Variants in MRTFB observed in about 807,000 individuals in gnomAD.
The protein encoded by MRTFB is myocardin-related transcription factor B.
Under a neutral mutation model 104.2 loss-of-function variants are expected in MRTFB, and 29 were observed. The observed-to-expected ratio is 0.28, with a 90% CI of 0.21 to 0.38. The LOEUF (loss-of-function observed/expected upper bound fraction) is 0.38. Among genes scored for constraint, MRTFB ranks in the 10% least tolerant of loss-of-function variants. The pLI, the probability that MRTFB is intolerant of heterozygous loss-of-function variation, is 1.00. For missense variants in MRTFB, 1,270 were observed against 1,341.6 expected, an observed-to-expected ratio of 0.95 and a Z score of 0.83; for synonymous variants, 535 against 519.5, an observed-to-expected ratio of 1.03 and a Z score of -0.41.
intron 3 of MRTFB, 54 bp from the exon 4 acceptor site, chr16:14,210,189 A>T (rs2041133095): frequency 7.1e-7 from 1 of 1,405,788 alleles, no homozygotes; most frequent in Non-Finnish European, 1.0e-6. Flanking sequence ...AATCACATAA[A>T]TCGGATCCCA....
At chr16:14,240,128 CGTATCT>C in intron 9 of MRTFB, 103 bp from the exon 10 acceptor site, 1 of 1,287,432 alleles carries the variant, frequency 7.8e-7, no homozygotes, top group East Asian at 2.5e-5. Flanking sequence ...TGGCTGTACC[CGTATCT>C]AAGGTACATT....
At chr16:14,051,584 A>G in the MRTFB span, among the ~76,000 whole-genome samples, 1 of 151,980 alleles carries the variant, frequency 6.6e-6, no homozygotes, top group Non-Finnish European at 1.5e-5. Flanking sequence ...ACACACACAC[A>G]CGCATATGCA....
intron 9 of MRTFB, among the ~76,000 whole-genome samples, chr16:14,238,122 T>C (rs2042602755): frequency 6.6e-6 from 1 of 152,138 alleles, no homozygotes; most frequent in Non-Finnish European, 1.5e-5. Flanking sequence ...ACGTTTCTGG[T>C]TGTCACAATG....
At chr16:14,194,927 G>A (rs564909350) in intron 3 of MRTFB, among the ~76,000 whole-genome samples, 38 of 152,188 alleles carry the variant, frequency 2.5e-4, no homozygotes, top group African/African-American at 7.5e-4. Context: ...TTAAAGCTCC[G>A]TTTGACGCAC....
chr16:14,040,388 C>T, the MRTFB span, among the ~76,000 whole-genome samples: 1 of 152,020 alleles, frequency 6.6e-6, no homozygotes, highest in Non-Finnish European at 1.5e-5. Flanking sequence ...GGCCAGTTGC[C>T]CTTTAGAATA....
the MRTFB span, among the ~76,000 whole-genome samples, chr16:14,025,144 T>C: frequency 4.6e-5 from 7 of 152,212 alleles, no homozygotes; most frequent in South Asian, 4.1e-4. Context: ...AAGATAGACA[T>C]GGGGCAGTAA....
chr16:14,085,450 T>A (rs1273312186), intron 2 of MRTFB, among the ~76,000 whole-genome samples: 3 of 114,282 alleles, frequency 2.6e-5, no homozygotes, highest in African/African-American at 4.1e-5. Flanking sequence ...AGAGTGAAAT[T>A]CCATCTCAAA....
intron 3 of MRTFB, among the ~76,000 whole-genome samples, chr16:14,198,853 G>A (rs2040555200): frequency 6.6e-6 from 1 of 152,166 alleles, no homozygotes; most frequent in Non-Finnish European, 1.5e-5. Context: ...TTGTACATCT[G>A]TCCCCTTCCT....
the MRTFB span, among the ~76,000 whole-genome samples, chr16:14,040,804 A>G: frequency 6.6e-6 from 1 of 152,024 alleles, no homozygotes; most frequent in African/African-American, 2.4e-5. Context: ...ATTTTTGCCA[A>G]TCTGATAGGT....
intron 3 of MRTFB, among the ~76,000 whole-genome samples, chr16:14,206,766 C>T (rs2151146247): frequency 6.6e-6 from 1 of 152,182 alleles, no homozygotes; most frequent in African/African-American, 2.4e-5. Flanking sequence ...GTCTCAAACT[C>T]CTGAGCTCCA....
At chr16:14,016,302 T>TAA in the MRTFB span, among the ~76,000 whole-genome samples, 2 of 151,592 alleles carry the variant, frequency 1.3e-5, no homozygotes, top group East Asian at 3.9e-4. Flanking sequence ...GACCCTGGAA[T>TAA]AAGGCTCCTC....
chr16:14,048,989 T>C, the MRTFB span, among the ~76,000 whole-genome samples: 1 of 152,208 alleles, frequency 6.6e-6, no homozygotes, highest in African/African-American at 2.4e-5. Flanking sequence ...TTTTTGACTA[T>C]ATCAGTGGCT....
the MRTFB span, among the ~76,000 whole-genome samples, chr16:14,028,036 G>T: frequency 6.6e-6 from 1 of 152,142 alleles, no homozygotes; most frequent in African/African-American, 2.4e-5. Flanking sequence ...AATTAGTCAG[G>T]CATGGTGGTG....
At chr16:14,126,569 C>T (rs758817660) in intron 2 of MRTFB, among the ~76,000 whole-genome samples, 1 of 151,998 alleles carries the variant, frequency 6.6e-6, no homozygotes, top group African/African-American at 2.4e-5. Flanking sequence ...TGCGGGAAAC[C>T]AAGAATGTGG....
At chr16:14,157,587 G>A (rs544978577) in intron 3 of MRTFB, among the ~76,000 whole-genome samples, 32 of 152,254 alleles carry the variant, frequency 2.1e-4, no homozygotes, top group African/African-American at 4.8e-4. Context: ...TAGGAGACAG[G>A]GAACAGATGG....
the MRTFB span, among the ~76,000 whole-genome samples, chr16:14,023,012 C>T: frequency 6.7e-6 from 1 of 149,776 alleles, no homozygotes. Flanking sequence ...TGTTCTTATA[C>T]CACATGGTGC....
At chr16:14,040,710 A>G in the MRTFB span, among the ~76,000 whole-genome samples, 2 of 151,880 alleles carry the variant, frequency 1.3e-5, no homozygotes, top group Non-Finnish European at 1.5e-5. Context: ...TGATCTACCC[A>G]CCTTGGCCTC....
At chr16:14,134,617 C>T (rs1296591421) in intron 2 of MRTFB, among the ~76,000 whole-genome samples, 1 of 152,220 alleles carries the variant, frequency 6.6e-6, no homozygotes, top group East Asian at 1.9e-4. Flanking sequence ...CAGTGCCCAG[C>T]ACAATGCCTA....
intron 3 of MRTFB, chr16:14,195,420 G>T (rs2040389774): frequency 1.6e-6 from 1 of 640,794 alleles, no homozygotes; most frequent in Non-Finnish European, 1.9e-6. Context: ...TTGCACATGT[G>T]TGTGTATATA....
Sources: gnomAD v4.1 joint callset for allele counts (sites outside exome capture counted in the v4.1 genomes callset) on GRCh38, gnomAD v4.1.1 for gene constraint, MANE v1.5 for transcripts, NCBI Gene and HGNC (gene_info 2026-07-23, HGNC 2026-07-21) for gene names.